RSPO2: variants seen among roughly 807,000 people sequenced by gnomAD.
RSPO2 encodes R-spondin 2.
In RSPO2, 14 loss-of-function variants were observed where a neutral mutation model predicts 30.9. That is an observed-to-expected ratio of 0.45 (90% CI 0.30 to 0.71). RSPO2 has a LOEUF of 0.71. Ranked by LOEUF, RSPO2 falls within the 30% of genes least tolerant of loss-of-function variation. The pLI is 0.08. For missense variants in RSPO2, 264 were observed against 301.9 expected (o/e 0.87, Z 0.93); for synonymous variants, 107 against 96.4 (o/e 1.11, Z -0.64).
intron 2 of RSPO2, among the ~76,000 whole-genome samples, chr8:108,000,505 G>A (rs1815205571): frequency 6.6e-6 from 1 of 152,014 alleles, no homozygotes; most frequent in South Asian, 2.1e-4. Flanking sequence ...CACATCAATA[G>A]CAAGGCAAGA....
At chr8:107,939,035 T>C (rs930509641) in intron 5 of RSPO2, among the ~76,000 whole-genome samples, 1 of 152,238 alleles carries the variant, frequency 6.6e-6, no homozygotes, top group South Asian at 2.1e-4. Flanking sequence ...CGAAGCCAGG[T>C]GTCAGGAGAG....
At chr8:107,910,964 C>T (rs568245795) in intron 5 of RSPO2, among the ~76,000 whole-genome samples, 13 of 152,236 alleles carry the variant, frequency 8.5e-5, no homozygotes, top group African/African-American at 3.1e-4. Context: ...TCCCAAAAAT[C>T]AAGTTACAGA....
At chr8:108,083,145 G>A (rs549973302) in intron 1 of RSPO2, 52 bp downstream of exon 1, 3 of 152,748 alleles carry the variant, frequency 2.0e-5, no homozygotes, top group African/African-American at 4.8e-5. Context: ...TGGAGTCCAC[G>A]GCGGTGTACC....
At chr8:107,928,225 A>T (rs1812446233) in intron 5 of RSPO2, among the ~76,000 whole-genome samples, 1 of 152,180 alleles carries the variant, frequency 6.6e-6, no homozygotes, top group Admixed American at 6.5e-5. Flanking sequence ...AAAAATAGCC[A>T]CCAGGTTCCA....
At chr8:107,902,345 G>C (rs1320214134) in intron 5 of RSPO2, among the ~76,000 whole-genome samples, 2 of 152,110 alleles carry the variant, frequency 1.3e-5, no homozygotes. Flanking sequence ...CTTCCTGTAA[G>C]GTGTAGCTAT....
At chr8:108,001,316 C>G (rs1413086616) in intron 2 of RSPO2, among the ~76,000 whole-genome samples, 1 of 152,170 alleles carries the variant, frequency 6.6e-6, no homozygotes, top group Non-Finnish European at 1.5e-5. Flanking sequence ...AAATTAAAAT[C>G]GTGAGACCTC....
At chr8:107,950,340 T>C (rs1813202110) in intron 5 of RSPO2, among the ~76,000 whole-genome samples, 1 of 152,238 alleles carries the variant, frequency 6.6e-6, no homozygotes, top group African/African-American at 2.4e-5. Flanking sequence ...GTCTACTTTT[T>C]CCCTTTGCCT....
chr8:107,918,444 T>C (rs1272816836), intron 5 of RSPO2, among the ~76,000 whole-genome samples: 2 of 152,158 alleles, frequency 1.3e-5, no homozygotes, highest in Non-Finnish European at 2.9e-5. Context: ...GAATCAAAGT[T>C]GACTCAGAGT....
At chr8:107,999,357 TA>T (rs1815146637) in intron 2 of RSPO2, among the ~76,000 whole-genome samples, 1 of 82,402 alleles carries the variant, frequency 1.2e-5, no homozygotes, top group South Asian at 4.0e-4. Flanking sequence ...ACATCAGGAT[TA>T]AAGGTCTTAG....
intron 5 of RSPO2, among the ~76,000 whole-genome samples, chr8:107,942,136 A>C (rs1041885389): frequency 6.6e-6 from 1 of 152,186 alleles, no homozygotes; most frequent in African/African-American, 2.4e-5. Flanking sequence ...TGGTCTCCCC[A>C]AGAACCTCCA....
chr8:108,059,202 C>T (rs1333586671), intron 2 of RSPO2, among the ~76,000 whole-genome samples: 1 of 151,664 alleles, frequency 6.6e-6, no homozygotes, highest in Non-Finnish European at 1.5e-5. Flanking sequence ...CATGAACAGA[C>T]ACTTCTCAAA....
At chr8:108,021,656 C>G (rs1811061974) in intron 2 of RSPO2, among the ~76,000 whole-genome samples, 1 of 152,036 alleles carries the variant, frequency 6.6e-6, no homozygotes, top group Non-Finnish European at 1.5e-5. Context: ...CTTGGTGGCC[C>G]TAATGGTCTC....
intron 5 of RSPO2, among the ~76,000 whole-genome samples, chr8:107,930,364 G>C (rs1249765947): frequency 1.3e-5 from 2 of 152,096 alleles, no homozygotes; most frequent in African/African-American, 4.8e-5. Flanking sequence ...TGGAATATAG[G>C]GAACTAGGTT....
intron 2 of RSPO2, among the ~76,000 whole-genome samples, chr8:107,990,915 T>A (rs186628698): frequency 6.6e-6 from 1 of 152,178 alleles, no homozygotes; most frequent in African/African-American, 2.4e-5. Context: ...AACTGTCTGA[T>A]CTTTGACAAA....
At chr8:107,905,586 C>T (rs969838763) in intron 5 of RSPO2, among the ~76,000 whole-genome samples, 8 of 151,932 alleles carry the variant, frequency 5.3e-5, no homozygotes, top group East Asian at 1.9e-4. Flanking sequence ...ATGGAGATTT[C>T]GAAATCACCT....
At chr8:107,993,419 G>A (rs531129060) in intron 2 of RSPO2, among the ~76,000 whole-genome samples, 58 of 152,232 alleles carry the variant, frequency 3.8e-4, no homozygotes, top group African/African-American at 1.2e-3. Flanking sequence ...CACATGACAT[G>A]AATGAAATTC....
chr8:108,053,936 C>G (rs1467690607), intron 2 of RSPO2, among the ~76,000 whole-genome samples: 1 of 152,120 alleles, frequency 6.6e-6, no homozygotes, highest in Non-Finnish European at 1.5e-5. Flanking sequence ...TAACTCAAGT[C>G]CCCATTTTCT....
chr8:108,022,743 T>C (rs563011217), intron 2 of RSPO2, among the ~76,000 whole-genome samples: 48 of 151,910 alleles, frequency 3.2e-4, no homozygotes, highest in African/African-American at 1.1e-3. Context: ...CTGACCAACA[T>C]GGAGAAACGC....
At chr8:108,082,456 A>G in intron 2 of RSPO2, 89 bp downstream of exon 2, 2 of 986,826 alleles carry the variant, frequency 2.0e-6, no homozygotes, top group Non-Finnish European at 3.2e-6. Flanking sequence ...AGCCCTGACC[A>G]TCTGAGCCCC....
Sources: gnomAD v4.1 joint callset for allele counts (sites outside exome capture counted in the v4.1 genomes callset) on GRCh38, gnomAD v4.1.1 for gene constraint, MANE v1.5 for transcripts, NCBI Gene and HGNC (gene_info 2026-07-23, HGNC 2026-07-21) for gene names.